The following DMXL1 variants were observed in gnomAD, a reference collection of about 807,000 sequenced individuals.
The protein encoded by DMXL1 is dmX-like protein 1.
A neutral mutation model predicts 319.2 loss-of-function variants in DMXL1; 99 were observed. The ratio of observed to expected loss-of-function variants is 0.31; its 90% CI spans 0.26 to 0.37. The LOEUF (loss-of-function observed/expected upper bound fraction) is 0.37. Among genes scored for constraint, DMXL1 ranks in the 10% least tolerant of loss-of-function variants. The pLI is 1.00. For synonymous variants in DMXL1, 1,385 were observed against 1,235.2 expected, an observed-to-expected ratio of 1.12 and a Z score of -2.54; for missense variants, 3,745 against 3,595.6, an observed-to-expected ratio of 1.04 and a Z score of -1.06.
intron 5 of DMXL1, 72 bp from the exon 6 acceptor site, chr5:119,114,403 T>C: frequency 9.1e-7 from 1 of 1,101,420 alleles, no homozygotes; most frequent in Non-Finnish European, 1.3e-6. Flanking sequence ...TGCTGATTTA[T>C]AATTTTGAGA....
At position 119,114,089 on chromosome 5, in the gene DMXL1, T is replaced by C. The variant is rs144385187; in HGVS notation, c.498-386T>C. On this transcript the variant is annotated intron_variant, in intron 5 of 43. Coordinates refer to ENST00000539542, the MANE Select transcript of DMXL1 (RefSeq NM_001290321.3). Reference sequence around the variant, plus strand: ...AACCCACACATAATCTTTAATTAGGTAAGTATTACCCTAAGGCAAACTTAT... The same window carrying C: ...AACCCACACATAATCTTTAATTAGGCAAGTATTACCCTAAGGCAAACTTAT... Among the ~76,000 whole-genome samples, 332 of 152,318 alleles carry C rather than the reference T, an allele frequency of 2.2e-3. 1 individual carries two copies. The highest frequency in any genetic ancestry group is 6.0e-3 in the South Asian group (29 of 4,830).
intron 29 of DMXL1, among the ~76,000 whole-genome samples, chr5:119,191,803 G>A (rs1166591753): frequency 6.6e-6 from 1 of 152,154 alleles, no homozygotes; most frequent in Non-Finnish European, 1.5e-5. Context: ...GCTGACCCTG[G>A]TGGAACACCT....
intron 34 of DMXL1, among the ~76,000 whole-genome samples, chr5:119,216,255 T>G (rs1561894967): frequency 6.6e-6 from 1 of 152,182 alleles, no homozygotes; most frequent in Non-Finnish European, 1.5e-5. Flanking sequence ...GTATACACTT[T>G]GTCTGGAGTA....
chr5:119,081,287 C>G (rs945740075), intron 1 of DMXL1, among the ~76,000 whole-genome samples: 8 of 152,158 alleles, frequency 5.3e-5, no homozygotes, highest in Non-Finnish European at 8.8e-5. Context: ...CAGATGACTT[C>G]TTGGAAGGCC....
At chr5:119,245,353 T>G (rs1011472873) in intron 43 of DMXL1, among the ~76,000 whole-genome samples, 1 of 152,152 alleles carries the variant, frequency 6.6e-6, no homozygotes, top group African/African-American at 2.4e-5. Flanking sequence ...ATCAGATGGG[T>G]TTTTTAAAAC....
chr5:119,180,895 G>A (rs1244821666), intron 28 of DMXL1, among the ~76,000 whole-genome samples: 1 of 152,114 alleles, frequency 6.6e-6, no homozygotes, highest in Non-Finnish European at 1.5e-5. Flanking sequence ...GATGTAAAAT[G>A]TTAAAAAGGG....
At position 119,178,258 on chromosome 5, in the gene DMXL1, A is replaced by T. The variant is rs775643905; in HGVS notation, c.7135+14A>T. On this transcript the variant is annotated intron_variant, in intron 28 of 43. Transcript: ENST00000539542. ...AAACTTTACCTGGTGAGTTTAAAAAATTTTTTTAGGACTGAAGCTTTATTT... is the reference window on the plus strand; with the variant it reads ...AAACTTTACCTGGTGAGTTTAAAAATTTTTTTTAGGACTGAAGCTTTATTT... The T allele has an allele frequency of 1.9e-6, 3 of 1,608,606 alleles. No individual in the cohort carries two copies. Among genetic ancestry groups the T allele is most frequent in the African/African-American group, 1.3e-5 (1 of 74,740 alleles).
intron 35 of DMXL1, among the ~76,000 whole-genome samples, chr5:119,218,261 A>G (rs185454489): frequency 8.5e-5 from 13 of 152,176 alleles, no homozygotes; most frequent in Non-Finnish European, 1.9e-4. Context: ...CTTGAAGAAA[A>G]TATGATTTAA....
chr5:119,227,446 C>T (rs1785801438), intron 38 of DMXL1, among the ~76,000 whole-genome samples: 1 of 152,120 alleles, frequency 6.6e-6, no homozygotes, highest in Admixed American at 6.6e-5. Context: ...AAGGACTTGC[C>T]ATCTGATTTC....
At chr5:119,215,593 A>G (rs1274730603) in intron 34 of DMXL1, among the ~76,000 whole-genome samples, 1 of 151,982 alleles carries the variant, frequency 6.6e-6, no homozygotes, top group Non-Finnish European at 1.5e-5. Context: ...CAGCCTCTCA[A>G]AGTGCTGGGA....
chr5:119,150,150 A>C lies in DMXL1; in HGVS notation c.4323A>C (p.Glu1441Asp). ...GTAAATCAAACCAATTATCTAAAGA[A>C]AGTTATGATGAGCTTTTTCAGACTC... is the stretch of plus-strand genomic sequence containing the variant. The part of the protein sequence containing the change: ...TLSKSNQLSK[E>D]SYDELFQTQL... The change falls in exon 18 of 44, where the codon GAA becomes GAC. Residue 1441 changes from glutamate to aspartate, a missense_variant. Coordinates refer to ENST00000539542, the MANE Select transcript of DMXL1 (RefSeq NM_001290321.3). 6.2e-7 allele frequency: 1 copy of C among 1,613,824 alleles called. No homozygotes were observed. Among genetic ancestry groups the C allele is most frequent in the Non-Finnish European group, 8.5e-7 (1 of 1,179,874 alleles).
intron 1 of DMXL1, chr5:119,081,451 A>G: frequency 2.0e-6 from 1 of 506,178 alleles, no homozygotes; most frequent in South Asian, 8.5e-5. Context: ...GAACCTTTTT[A>G]AAATAAAACA....
rs533067106 is a variant in DMXL1, at chr5:119,096,463, A to C, written c.88-1516A>C. Among the ~76,000 whole-genome samples, 589 of 152,348 alleles carry C rather than the reference A, an allele frequency of 3.9e-3. 4 individuals carry two copies. The highest frequency in any genetic ancestry group is 3.8e-3 in the Non-Finnish European group (258 of 68,030). The stretch of plus-strand genomic sequence containing the variant: ...AGTGCTGGGATTACAGGCATGAGCC[A>C]CCATGCCCAGCCTGAAGTATAATTT... On this transcript the variant is annotated intron_variant, in intron 1 of 43. Coordinates refer to ENST00000539542, the MANE Select transcript of DMXL1 (RefSeq NM_001290321.3).
In DMXL1 at chr5:119,206,877, A is replaced by G; in HGVS notation, c.7907A>G (p.Glu2636Gly). Reference sequence around the variant, plus strand: ...GAAACCATCAAAAATTCTATGATGGAGGAGCCAAACATCAATAAGGTACAA... The same window carrying G: ...GAAACCATCAAAAATTCTATGATGGGGGAGCCAAACATCAATAAGGTACAA... ...NSETIKNSMMEEPNINKIEAD... is the reference protein window; with the variant it reads ...NSETIKNSMMGEPNINKIEAD... Residue 2636 changes from glutamate to glycine, a missense_variant, in exon 34 of 44, where the codon GAG (glutamate) becomes GGG (glycine). Physicochemically the swap from Glu to Gly is moderately conservative, Grantham distance 98 (BLOSUM62 -2). Around this residue, in one of 4 missense-constraint regions of DMXL1, gnomAD observed 1,382 missense variants for 1,269.5 expected, o/e 1.09. Coordinates refer to ENST00000539542, the MANE Select transcript of DMXL1 (RefSeq NM_001290321.3). 6.5e-7 allele frequency: 1 copy of G among 1,527,712 alleles called. No homozygotes were observed. The highest frequency in any genetic ancestry group is 8.8e-7 in the Non-Finnish European group (1 of 1,140,934). 94.6% of individuals were successfully genotyped at this position (1,527,712 alleles called of 1,614,324 possible).
chr5:119,113,980 C>G (rs1249073024), intron 5 of DMXL1, among the ~76,000 whole-genome samples: 2 of 152,090 alleles, frequency 1.3e-5, no homozygotes, highest in African/African-American at 4.8e-5. Flanking sequence ...AACCAAAGTT[C>G]CTTTGAGAAG....
intron 32 of DMXL1, among the ~76,000 whole-genome samples, chr5:119,203,104 AGTT>A (rs1410247668): frequency 2.6e-5 from 4 of 151,962 alleles, no homozygotes; most frequent in Non-Finnish European, 5.9e-5. Flanking sequence ...AGACTTGAGT[AGTT>A]GTGACAGAGA....
intron 35 of DMXL1, 130 bp from the exon 36 acceptor site, chr5:119,220,342 G>C: frequency 1.4e-6 from 1 of 710,474 alleles, no homozygotes; most frequent in Non-Finnish European, 2.2e-6. Flanking sequence ...CTAAAAGTAA[G>C]AATGCTGTAT....
intron 28 of DMXL1, 152 bp downstream of exon 28, chr5:119,178,396 G>C: frequency 2.1e-6 from 2 of 942,068 alleles, no homozygotes; most frequent in Non-Finnish European, 3.0e-6. Context: ...TGAAAATGCA[G>C]TATTAAAGTT....
chr5:119,172,831 C>G (rs1252317996), intron 25 of DMXL1, among the ~76,000 whole-genome samples: 1 of 152,008 alleles, frequency 6.6e-6, no homozygotes, highest in Non-Finnish European at 1.5e-5. Context: ...GTGGACTGTC[C>G]TACAATTTTA....
Sources: gnomAD v4.1 joint callset for allele counts (sites outside exome capture counted in the v4.1 genomes callset) on GRCh38, gnomAD v4.1.1 for gene constraint, gnomAD v4.1.1 regional missense constraint, MANE v1.5 for transcripts, NCBI Gene and HGNC (gene_info 2026-07-23, HGNC 2026-07-21) for gene names.